Variants in LYPD6B observed in about 807,000 individuals in gnomAD.
LYPD6B encodes the protein ly6/PLAUR domain-containing protein 6B.
A neutral mutation model predicts 22.8 loss-of-function variants in LYPD6B; 17 were observed. That is an observed-to-expected ratio of 0.75 (90% confidence interval 0.51 to 1.12). The LOEUF (loss-of-function observed/expected upper bound fraction) is 1.12. LYPD6B is among the 50% of genes most tolerant of loss of function. The pLI, the probability that LYPD6B is intolerant of heterozygous loss-of-function variation, is 0.00. For missense variants in LYPD6B, 221 were observed against 258.3 expected, an observed-to-expected ratio of 0.86 and a Z score of 0.99; for synonymous variants, 106 against 91.6, an observed-to-expected ratio of 1.16 and a Z score of -0.90.
In LYPD6B at chr2:149,196,940, C is replaced by T. The variant is rs555337674; in HGVS notation, c.78-8313C>T. Among the ~76,000 whole-genome samples, 7 of 152,298 alleles carry T rather than the reference C, an allele frequency of 4.6e-5. No individual in the cohort carries two copies. In the South Asian group the frequency reaches 1.5e-3, roughly 32 times the overall value. The stretch of plus-strand genomic sequence containing the variant: ...ATTAGAGTGCATTTGTGGCATGATA[C>T]ACTCCTCCACTCAACCAATGTCGAG... On this transcript the variant is annotated intron_variant, in intron 3 of 6. Transcript: ENST00000409642.
chr2:149,057,726 T>C (rs754642585), intron 1 of LYPD6B, among the ~76,000 whole-genome samples: 2 of 152,006 alleles, frequency 1.3e-5, no homozygotes, highest in Non-Finnish European at 2.9e-5. Context: ...AGTCCTTTAA[T>C]TCAGTGCTGT....
intron 2 of LYPD6B, among the ~76,000 whole-genome samples, chr2:149,142,816 G>T (rs1364754810): frequency 6.6e-6 from 1 of 152,068 alleles, no homozygotes. Flanking sequence ...CTGCCCTCTT[G>T]AACTAAGTAT....
chr2:149,139,988 T>C (rs1391024963), intron 2 of LYPD6B, among the ~76,000 whole-genome samples: 9 of 152,338 alleles, frequency 5.9e-5, no homozygotes, highest in African/African-American at 1.9e-4. Flanking sequence ...TTTTTAAAAT[T>C]TCTTGCTTCC....
chr2:149,179,536 C>G (rs1453335333), intron 3 of LYPD6B, among the ~76,000 whole-genome samples: 1 of 152,202 alleles, frequency 6.6e-6, no homozygotes, highest in Admixed American at 6.5e-5. Flanking sequence ...ATCCATATTT[C>G]TAACTGGGAT....
chr2:149,152,412 C>T (rs968291046), intron 2 of LYPD6B, among the ~76,000 whole-genome samples: 4 of 152,158 alleles, frequency 2.6e-5, no homozygotes, highest in African/African-American at 9.7e-5. Context: ...ATGAAGCCAA[C>T]ACACAAAACC....
At chr2:149,099,214 C>T (rs1217421048) in intron 1 of LYPD6B, among the ~76,000 whole-genome samples, 1 of 152,122 alleles carries the variant, frequency 6.6e-6, no homozygotes, top group Non-Finnish European at 1.5e-5. Flanking sequence ...CCAGGTCACC[C>T]AGTTAAACCC....
chr2:149,098,112 GAT>G, intron 1 of LYPD6B, among the ~76,000 whole-genome samples: 1 of 152,020 alleles, frequency 6.6e-6, no homozygotes, highest in South Asian at 2.1e-4. Flanking sequence ...AATCCTACGA[GAT>G]AATAGACCCA....
intron 1 of LYPD6B, among the ~76,000 whole-genome samples, chr2:149,084,086 G>T (rs988406183): frequency 6.6e-6 from 1 of 151,210 alleles, no homozygotes; most frequent in East Asian, 2.0e-4. Context: ...GCGACAGAGC[G>T]AGACTCCATC....
intron 1 of LYPD6B, among the ~76,000 whole-genome samples, chr2:149,071,315 C>T (rs192778629): frequency 5.5e-4 from 83 of 152,234 alleles, no homozygotes; most frequent in African/African-American, 1.9e-3. Context: ...TTACAAATGC[C>T]GTTTTCAGGG....
chr2:149,059,358 G>A (rs1292155371), intron 1 of LYPD6B, among the ~76,000 whole-genome samples: 11 of 152,226 alleles, frequency 7.2e-5, no homozygotes, highest in Non-Finnish European at 8.8e-5. Flanking sequence ...TGTTTAGGAA[G>A]TAGGCCTTCA....
intron 1 of LYPD6B, among the ~76,000 whole-genome samples, chr2:149,116,973 C>A (rs761538217): frequency 1.6e-4 from 24 of 152,046 alleles, no homozygotes; most frequent in Admixed American, 7.9e-4. Flanking sequence ...GCAGAATCCC[C>A]GTCTTCCTAA....
intron 2 of LYPD6B, among the ~76,000 whole-genome samples, chr2:149,149,496 A>G (rs1051024264): frequency 6.6e-6 from 1 of 152,152 alleles, no homozygotes; most frequent in Non-Finnish European, 1.5e-5. Context: ...CTGATTTTTC[A>G]AACATTCAAC....
intron 3 of LYPD6B, among the ~76,000 whole-genome samples, chr2:149,165,451 G>T (rs926732908): frequency 6.6e-6 from 1 of 152,172 alleles, no homozygotes; most frequent in African/African-American, 2.4e-5. Flanking sequence ...CTGGAATAGG[G>T]ATGGTCTTGT....
chr2:149,195,101 G>C (rs538082709), intron 3 of LYPD6B, among the ~76,000 whole-genome samples: 17 of 152,228 alleles, frequency 1.1e-4, no homozygotes, highest in African/African-American at 4.1e-4. Flanking sequence ...AATTCTGTTG[G>C]CAAAAAAGGT....
chr2:149,179,039 G>T (rs1053941143), intron 3 of LYPD6B, among the ~76,000 whole-genome samples: 1 of 152,350 alleles, frequency 6.6e-6, no homozygotes, highest in Admixed American at 6.5e-5. Context: ...GGGAAAGAAA[G>T]TCGCAGCGGT....
chr2:149,193,096 C>T (rs1251516466), intron 3 of LYPD6B, among the ~76,000 whole-genome samples: 2 of 152,148 alleles, frequency 1.3e-5, no homozygotes, highest in Non-Finnish European at 2.9e-5. Context: ...GTGGGCTCCA[C>T]ATCCCATACA....
At chr2:149,207,178 C>T (rs1367474911) in intron 4 of LYPD6B, among the ~76,000 whole-genome samples, 1 of 152,128 alleles carries the variant, frequency 6.6e-6, no homozygotes, top group African/African-American at 2.4e-5. Flanking sequence ...CCTGCTGATA[C>T]ACTTTTGAAC....
At chr2:149,190,028 A>G (rs1057443923) in intron 3 of LYPD6B, among the ~76,000 whole-genome samples, 14 of 152,356 alleles carry the variant, frequency 9.2e-5, no homozygotes, top group African/African-American at 3.4e-4. Context: ...AAATCAAAAC[A>G]GTGAAATGAG....
intron 1 of LYPD6B, among the ~76,000 whole-genome samples, chr2:149,072,059 G>A (rs1684629307): frequency 6.6e-6 from 1 of 152,082 alleles, no homozygotes; most frequent in Non-Finnish European, 1.5e-5. Flanking sequence ...AGCCTCCTGA[G>A]TAGTTGGGAT....
Sources: allele counts gnomAD v4.1 joint callset (sites outside exome capture counted in the v4.1 genomes callset), GRCh38; gene constraint gnomAD v4.1.1; transcripts MANE v1.5; gene names NCBI Gene and HGNC (gene_info 2026-07-23, HGNC 2026-07-21).